The following PTPRR variants were observed in gnomAD, a reference collection of about 807,000 sequenced individuals.
PTPRR encodes the protein protein tyrosine phosphatase receptor type R.
PTPRR carries 38 observed loss-of-function variants against 77.2 expected under a neutral mutation model. The ratio of observed to expected loss-of-function variants is 0.49; its 90% CI spans 0.38 to 0.65. The LOEUF (loss-of-function observed/expected upper bound fraction) is 0.65. Ranked by LOEUF, PTPRR falls within the 30% of genes least tolerant of loss-of-function variation. PTPRR has a pLI of 0.00. For synonymous variants in PTPRR, 299 were observed against 283.1 expected (o/e 1.06, Z -0.57); for missense variants, 744 against 799.2 (o/e 0.93, Z 0.83).
intron 12 of PTPRR, among the ~76,000 whole-genome samples, chr12:70,659,783 C>T (rs1352556163): frequency 6.6e-6 from 1 of 151,992 alleles, no homozygotes; most frequent in Non-Finnish European, 1.5e-5. Context: ...AAATTATACT[C>T]TAAAATAATA....
chr12:70,719,463 C>G (rs1274138400), intron 6 of PTPRR, among the ~76,000 whole-genome samples: 1 of 151,856 alleles, frequency 6.6e-6, no homozygotes, highest in Non-Finnish European at 1.5e-5. Flanking sequence ...AACTCCTTGA[C>G]AACCCCTTGA....
chr12:70,709,652 A>G (rs1888751405), intron 6 of PTPRR, among the ~76,000 whole-genome samples: 1 of 152,110 alleles, frequency 6.6e-6, no homozygotes, highest in African/African-American at 2.4e-5. Context: ...ATACAAAATC[A>G]ATGTGCAATG....
intron 13 of PTPRR, among the ~76,000 whole-genome samples, chr12:70,656,485 C>T (rs1002720722): frequency 9.2e-5 from 14 of 152,142 alleles, no homozygotes; most frequent in African/African-American, 3.4e-4. Context: ...GCTGAGATTG[C>T]ACCACTGCAC....
In PTPRR at chr12:70,733,427, C is replaced by CAACAA. The variant is rs1555171072; in HGVS notation, c.1007+12390_1007+12391insTTGTT. Among the ~76,000 whole-genome samples the CAACAA allele has an allele frequency of 8.7e-3, 234 of 26,996 alleles. 3 individuals are homozygous for CAACAA. Among genetic ancestry groups the CAACAA allele is most frequent in the Non-Finnish European group, 0.016 (202 of 12,586 alleles). The allele number at this position is 26,996 out of a possible 152,430, so 17.7% of individuals were successfully genotyped here. A position where few individuals can be genotyped will look rare whatever the true frequency, so the allele number is the denominator to read the frequency against. ...TAAAAAAAATACAAACAAACAACAA[C>CAACAA]AAAAAAAAAAAAAAAAAAGAAAGAA... On this transcript the variant is annotated intron_variant, in intron 6 of 13. Coordinates refer to ENST00000283228, the MANE Select transcript of PTPRR (RefSeq NM_002849.4).
At chr12:70,787,010 A>G (rs904894940) in intron 2 of PTPRR, among the ~76,000 whole-genome samples, 7 of 152,218 alleles carry the variant, frequency 4.6e-5, no homozygotes, top group Non-Finnish European at 1.5e-5. Flanking sequence ...AACAATAAGC[A>G]TATAATTTTC....
chr12:70,642,676 T>C (rs2136638734), intron 13 of PTPRR, among the ~76,000 whole-genome samples: 1 of 152,246 alleles, frequency 6.6e-6, no homozygotes, highest in African/African-American at 2.4e-5. Flanking sequence ...TAAATACTTG[T>C]CAAATGAATT....
intron 3 of PTPRR, among the ~76,000 whole-genome samples, chr12:70,763,412 G>T (rs766394382): frequency 3.3e-5 from 5 of 152,162 alleles, no homozygotes; most frequent in Non-Finnish European, 5.9e-5. Context: ...GATTACAGGC[G>T]TGAGCCACCG....
chr12:70,749,923 T>C (rs34166122), intron 5 of PTPRR, among the ~76,000 whole-genome samples: 12,457 of 152,310 alleles, frequency 0.082, 624 homozygotes, highest in African/African-American at 0.12. Context: ...ATTTAGATGA[T>C]AAATGGTGTT....
At chr12:70,828,564 G>T (rs984514768) in intron 2 of PTPRR, among the ~76,000 whole-genome samples, 13 of 152,148 alleles carry the variant, frequency 8.5e-5, no homozygotes, top group Admixed American at 8.5e-4. Context: ...AGGCAGAGAG[G>T]TTACTCAGCT....
At chr12:70,728,144 G>A (rs962427308) in intron 6 of PTPRR, among the ~76,000 whole-genome samples, 5 of 150,834 alleles carry the variant, frequency 3.3e-5, no homozygotes, top group African/African-American at 1.2e-4. Flanking sequence ...AATACAGGTT[G>A]AGTATCCCTG....
At chr12:70,751,572 C>T (rs931652858) in intron 5 of PTPRR, among the ~76,000 whole-genome samples, 12 of 152,192 alleles carry the variant, frequency 7.9e-5, no homozygotes, top group African/African-American at 2.9e-4. Context: ...GCCTAGGGGT[C>T]CTTTACTCAC....
intron 2 of PTPRR, among the ~76,000 whole-genome samples, chr12:70,850,772 A>G (rs1892559544): frequency 6.6e-6 from 1 of 152,186 alleles, no homozygotes; most frequent in East Asian, 1.9e-4. Flanking sequence ...GCCAGGCCCA[A>G]TGCAGAAAAC....
chr12:70,888,788 GCTT>G (rs1345856732), intron 2 of PTPRR, among the ~76,000 whole-genome samples: 1 of 151,956 alleles, frequency 6.6e-6, no homozygotes, highest in Non-Finnish European at 1.5e-5. Context: ...CTAGACATCT[GCTT>G]CTCCACAGCT....
At chr12:70,914,225 A>T (rs1002997615) in intron 1 of PTPRR, among the ~76,000 whole-genome samples, 1 of 152,216 alleles carries the variant, frequency 6.6e-6, no homozygotes, top group African/African-American at 2.4e-5. Context: ...TTAGTGTGAT[A>T]TTAGTGTGCA....
intron 4 of PTPRR, among the ~76,000 whole-genome samples, chr12:70,755,671 CATAG>C (rs1039348331): frequency 2.0e-5 from 3 of 152,138 alleles, no homozygotes; most frequent in African/African-American, 7.2e-5. Flanking sequence ...CTTTCTAAGA[CATAG>C]ATAGATGCAT....
chr12:70,754,311 C>A lies in PTPRR; in HGVS notation c.628-10G>T, dbSNP rs1402056163. On this transcript the variant is annotated splice_polypyrimidine_tract_variant and intron_variant, in intron 4 of 13. Transcript: ENST00000283228. ...CTTGTAAAACATTTTTCTTTAAAAG[C>A]AAAACAGAAAGTCCGACGTTAAATG... 1.2e-6 allele frequency: 2 copies of A among 1,612,538 alleles called. No homozygotes were observed. The highest frequency in any genetic ancestry group is 1.7e-6 in the Non-Finnish European group (2 of 1,179,540).
At chr12:70,841,635 CA>C (rs1397940936) in intron 2 of PTPRR, among the ~76,000 whole-genome samples, 1 of 152,102 alleles carries the variant, frequency 6.6e-6, no homozygotes, top group African/African-American at 2.4e-5. Flanking sequence ...CAAAAGTAAA[CA>C]TTAAGTCTGA....
chr12:70,702,368 G>A (rs1286884537), intron 6 of PTPRR, among the ~76,000 whole-genome samples: 1 of 152,026 alleles, frequency 6.6e-6, no homozygotes, highest in Non-Finnish European at 1.5e-5. Flanking sequence ...GTAGGTGTGT[G>A]TCAGATCAAA....
At position 70,701,194 on chromosome 12, in the gene PTPRR, T is replaced by C. The variant is rs199733965; in HGVS notation, c.1137A>G (p.Thr379=). ...CCACGACGTCCCTCAGCTGAGACCT[T>C]GTGAGAATTCGGCTGGCTGACTGCA... is the stretch of plus-strand genomic sequence containing the variant. ...EYLQSASRIL[T]RSQLRDVVAS... Residue 379 remains threonine, a synonymous_variant, in exon 7 of 14, where the codon ACA becomes ACG. Coordinates refer to ENST00000283228, the MANE Select transcript of PTPRR (RefSeq NM_002849.4). 14 of 1,613,844 alleles carry C rather than the reference T, an allele frequency of 8.7e-6. No homozygotes were observed. Among genetic ancestry groups the C allele is most frequent in the South Asian group, 1.1e-5 (1 of 91,084 alleles).
Sources: allele counts gnomAD v4.1 joint callset (sites outside exome capture counted in the v4.1 genomes callset), GRCh38; gene constraint gnomAD v4.1.1; transcripts MANE v1.5; gene names NCBI Gene and HGNC (gene_info 2026-07-23, HGNC 2026-07-21).